The following RIC3 variants were observed in gnomAD, a reference collection of about 807,000 sequenced individuals.
The protein encoded by RIC3 is protein RIC-3.
A neutral mutation model predicts 27.3 loss-of-function variants in RIC3; 28 were observed. That is an observed-to-expected ratio of 1.02 (90% CI 0.76 to 1.41). The LOEUF is 1.41. Among genes scored for constraint, RIC3 ranks in the 40% most tolerant of loss-of-function variants. RIC3 has a pLI of 0.00. For missense variants in RIC3, 501 were observed against 444.7 expected, an observed-to-expected ratio of 1.13 and a Z score of -1.14; for synonymous variants, 184 against 160.4, an observed-to-expected ratio of 1.15 and a Z score of -1.11.
intron 4 of RIC3, among the ~76,000 whole-genome samples, chr11:8,136,678 C>A (rs1948459910): frequency 6.6e-6 from 1 of 152,200 alleles, no homozygotes; most frequent in Admixed American, 6.5e-5. Context: ...ACATGAATGC[C>A]TAATCTGATC....
chr11:8,166,313 A>G (rs1461355233), intron 1 of RIC3, among the ~76,000 whole-genome samples: 1 of 152,176 alleles, frequency 6.6e-6, no homozygotes, highest in African/African-American at 2.4e-5. Context: ...TCTATACACT[A>G]TGTGCACAGT....
At chr11:8,131,351 G>C (rs892514664) in intron 4 of RIC3, among the ~76,000 whole-genome samples, 2 of 152,296 alleles carry the variant, frequency 1.3e-5, no homozygotes, top group African/African-American at 4.8e-5. Flanking sequence ...TCTAATTTCT[G>C]CTTTGGGCAA....
downstream of RIC3, chr11:8,104,001 A>G (rs1944413353): frequency 6.6e-6 from 1 of 152,246 alleles, no homozygotes; most frequent in Non-Finnish European, 1.5e-5. Flanking sequence ...AGCCTCAGCC[A>G]CAAAACTCTG....
At chr11:8,139,858 T>G in intron 2 of RIC3, 109 bp downstream of exon 2, 1 of 965,192 alleles carries the variant, frequency 1.0e-6, no homozygotes. Context: ...AAAGAGATGA[T>G]GGATTTGAAA....
At chr11:8,128,480 G>T (rs1466105643) in intron 4 of RIC3, 1 of 340,888 alleles carries the variant, frequency 2.9e-6, no homozygotes, top group African/African-American at 2.2e-5. Context: ...CATGCATTAT[G>T]CATTAATCAT....
rs1048324727 is a variant in RIC3, at chr11:8,109,363, G to A, written c.*1335C>T. On this transcript the variant is annotated 3_prime_UTR_variant, in exon 6 of 6. Transcript: ENST00000309737. ...CTCTTCGAACTCTCAGGTCTTACATGTAAACTGAATTCACACATACCTCAT... is the reference window on the plus strand; with the variant it reads ...CTCTTCGAACTCTCAGGTCTTACATATAAACTGAATTCACACATACCTCAT... The A allele has an allele frequency of 1.2e-4, 18 of 152,150 alleles. No homozygotes were observed. The highest frequency in any genetic ancestry group is 4.3e-4 in the African/African-American group (18 of 41,424). 9.4% of individuals were successfully genotyped at this position (152,150 alleles called of 1,614,324 possible).
At chr11:8,094,632 T>C in the RIC3 span, among the ~76,000 whole-genome samples, 1 of 152,192 alleles carries the variant, frequency 6.6e-6, no homozygotes, top group East Asian at 1.9e-4. Flanking sequence ...CTTGACTCCA[T>C]ATTCTAGTCC....
chr11:8,141,019 C>G (rs953384668), intron 1 of RIC3, among the ~76,000 whole-genome samples: 14 of 149,396 alleles, frequency 9.4e-5, no homozygotes, highest in African/African-American at 3.0e-4. Context: ...CCTAAAAGAG[C>G]TCCTGAAGGA....
rs145580167 is a variant in RIC3, at chr11:8,136,464, A to T, written c.521+914T>A. ...AACCCTTCTTTGTCCTCCATCTTAC[A>T]TTCTGGTTTTTCCTTCTTGGCCTTT... On this transcript the variant is annotated intron_variant, in intron 4 of 5. Transcript: ENST00000309737. 6.7e-3 allele frequency among the ~76,000 whole-genome samples: 1,018 copies of T among 152,206 alleles called. 9 individuals are homozygous for T. Among genetic ancestry groups the T allele is most frequent in the African/African-American group, 0.023 (973 of 41,536 alleles).
intron 5 of RIC3, among the ~76,000 whole-genome samples, chr11:8,118,521 T>G (rs150283762): frequency 0.021 from 688 of 32,528 alleles, 7 homozygotes; most frequent in African/African-American, 0.062. Context: ...TAGAAAGCCA[T>G]AATTGTAAAA....
chr11:8,123,839 G>A (rs1260407511), intron 5 of RIC3, among the ~76,000 whole-genome samples: 1 of 151,564 alleles, frequency 6.6e-6, no homozygotes, highest in Non-Finnish European at 1.5e-5. Flanking sequence ...AGGAGTTCAA[G>A]ACCAGGCATG....
In RIC3 at chr11:8,108,913, T is replaced by C. The variant is rs1421486515; in HGVS notation, c.*1785A>G. 1.3e-5 allele frequency: 2 copies of C among 152,226 alleles called. No homozygotes were observed. Among genetic ancestry groups the C allele is most frequent in the Non-Finnish European group, 2.9e-5 (2 of 68,050 alleles). 9.4% of individuals were successfully genotyped at this position (152,226 alleles called of 1,614,324 possible). The stretch of plus-strand genomic sequence containing the variant: ...CTCCTCATGAATCAACCCCTCACAG[T>C]GAACGAAGGGAAATAACACAGAAAA... On this transcript the variant is annotated 3_prime_UTR_variant, in exon 6 of 6. Coordinates refer to ENST00000309737, the MANE Select transcript of RIC3 (RefSeq NM_001206671.4).
At chr11:8,140,794 C>G (rs1948965357) in intron 1 of RIC3, among the ~76,000 whole-genome samples, 1 of 152,144 alleles carries the variant, frequency 6.6e-6, no homozygotes. Context: ...CCACCCCTAA[C>G]TAATACAGAT....
At chr11:8,163,890 T>C (rs189441566) in intron 1 of RIC3, among the ~76,000 whole-genome samples, 5 of 149,422 alleles carry the variant, frequency 3.3e-5, no homozygotes, top group African/African-American at 9.8e-5. Flanking sequence ...GGACCCAAAA[T>C]AGCAAAACAA....
chr11:8,093,831 G>A, the RIC3 span, among the ~76,000 whole-genome samples: 3 of 152,172 alleles, frequency 2.0e-5, no homozygotes, highest in Non-Finnish European at 4.4e-5. Flanking sequence ...CACTGGGCTG[G>A]GGGTGCCGCC....
rs553575801 is a variant in RIC3, at chr11:8,137,967, T to C, written c.427+305A>G. On this transcript the variant is annotated intron_variant, in intron 3 of 5. Transcript: ENST00000309737. ...CTAAAAACTGATTTTGGCAATGATATGATTTCTCTGCCTCCATTTTGCTCT... is the reference window on the plus strand; with the variant it reads ...CTAAAAACTGATTTTGGCAATGATACGATTTCTCTGCCTCCATTTTGCTCT... Among the ~76,000 whole-genome samples, 7 of 152,356 alleles carry C rather than the reference T, an allele frequency of 4.6e-5. No homozygotes were observed. In the East Asian group the frequency reaches 9.6e-4, roughly 21 times the overall value.
rs6578936 is a variant in RIC3 at position 8,168,990 on chromosome 11, G to T, written c.-1C>A. 5,174 of 1,581,098 alleles carry T rather than the reference G, an allele frequency of 3.3e-3. 161 individuals are homozygous for T. In the African/African-American group the frequency reaches 0.061, roughly 19 times the overall value. ...CTCTCTGCACTGTGGAGTACGCCAT[G>T]ACTGCTCACGGTGGTCGCAGGTGCA... On this transcript the variant is annotated 5_prime_UTR_variant, in exon 1 of 6. Coordinates refer to ENST00000309737, the MANE Select transcript of RIC3 (RefSeq NM_001206671.4).
At chr11:8,105,437 T>TTCAG (rs1241023527), downstream of RIC3, 1 of 151,336 alleles carries the variant, frequency 6.6e-6, no homozygotes, top group Non-Finnish European at 1.5e-5. Context: ...ACCTGGAATT[T>TTCAG]TCAGTCATCT....
At chr11:8,162,416 C>T (rs936133891) in intron 1 of RIC3, among the ~76,000 whole-genome samples, 4 of 152,196 alleles carry the variant, frequency 2.6e-5, no homozygotes, top group African/African-American at 7.2e-5. Flanking sequence ...ATCCTCACAA[C>T]GCAGTGTCTA....
Sources: allele counts gnomAD v4.1 joint callset (sites outside exome capture counted in the v4.1 genomes callset), GRCh38; gene constraint gnomAD v4.1.1; transcripts MANE v1.5; gene names NCBI Gene and HGNC (gene_info 2026-07-23, HGNC 2026-07-21).